Variants in CDKL4 observed in about 807,000 individuals in gnomAD.
CDKL4 encodes cyclin dependent kinase like 4.
Under a neutral mutation model 42.0 loss-of-function variants are expected in CDKL4, and 44 were observed. The ratio of observed to expected loss-of-function variants is 1.05; its 90% confidence interval spans 0.82 to 1.35. The LOEUF is 1.35. Ranked by LOEUF, CDKL4 falls within the 40% of genes most tolerant of loss-of-function variation. The pLI, the probability that CDKL4 is intolerant of heterozygous loss-of-function variation, is 0.00. For synonymous variants in CDKL4, 120 were observed against 121.6 expected (o/e 0.99, Z 0.09); for missense variants, 393 against 369.9 (o/e 1.06, Z -0.51).
intron 3 of CDKL4, among the ~76,000 whole-genome samples, chr2:39,224,097 T>A (rs1012766422): frequency 6.6e-6 from 1 of 152,218 alleles, no homozygotes; most frequent in Non-Finnish European, 1.5e-5. Context: ...AAAATCTGCA[T>A]AGGTAGACAT....
chr2:39,208,615 T>C (rs995237380), intron 4 of CDKL4, among the ~76,000 whole-genome samples: 3 of 152,108 alleles, frequency 2.0e-5, no homozygotes, highest in African/African-American at 4.8e-5. Flanking sequence ...AGTGCTGGGA[T>C]TACAGGCATG....
intron 8 of CDKL4, among the ~76,000 whole-genome samples, chr2:39,179,531 A>G (rs1346300368): frequency 6.6e-6 from 1 of 152,234 alleles, no homozygotes; most frequent in Non-Finnish European, 1.5e-5. Context: ...ATGGATGGTC[A>G]GTGTCTCTCT....
At chr2:39,245,693 G>C (rs918880646), upstream of CDKL4, among the ~76,000 whole-genome samples, 8 of 152,198 alleles carry the variant, frequency 5.3e-5, no homozygotes, top group Admixed American at 5.2e-4. Flanking sequence ...AACAGCACAC[G>C]TAACTGTTGA....
At chr2:39,185,149 T>TATATAC (rs1675654162) in intron 7 of CDKL4, among the ~76,000 whole-genome samples, 2 of 136,838 alleles carry the variant, frequency 1.5e-5, no homozygotes, top group Admixed American at 7.5e-5. Context: ...TATATATGTG[T>TATATAC]ATATATATAC....
chr2:39,230,335 A>AGTTG (rs1679023542), intron 1 of CDKL4, among the ~76,000 whole-genome samples: 2 of 152,232 alleles, frequency 1.3e-5, no homozygotes, highest in Admixed American at 6.5e-5. Flanking sequence ...CAAGAGTGAA[A>AGTTG]CTCTGTCTGA....
intron 2 of CDKL4, among the ~76,000 whole-genome samples, chr2:39,228,942 G>A (rs1678925420): frequency 6.6e-6 from 1 of 152,220 alleles, no homozygotes; most frequent in Non-Finnish European, 1.5e-5. Flanking sequence ...AACCTGGGGT[G>A]CAGTGCAGGC....
downstream of CDKL4, among the ~76,000 whole-genome samples, chr2:39,171,923 A>G (rs1183116450): frequency 6.6e-6 from 1 of 152,226 alleles, no homozygotes; most frequent in Non-Finnish European, 1.5e-5. Context: ...GGTGATCCAG[A>G]AACTGCACAA....
Position 39,193,356 on chromosome 2 carries a change from A to AATTATTATT in CDKL4, c.455-2863_455-2855dup, listed in dbSNP as rs79269841. Among the ~76,000 whole-genome samples, 256 of 148,014 alleles carry AATTATTATT rather than the reference A, an allele frequency of 1.7e-3. 3 individuals are homozygous for AATTATTATT. The East Asian group carries it at 0.019, about 11-fold the overall frequency. Reference sequence around the variant, plus strand: ...TGAGAGGTGTAAACATCATTTATAAAATTATTATTATTATTATTATTATTA... The same window carrying AATTATTATT: ...TGAGAGGTGTAAACATCATTTATAAAATTATTATTATTATTATTATTATTATTATTATTA... On this transcript the variant is annotated intron_variant, in intron 5 of 9. Transcript: ENST00000451199.
downstream of CDKL4, among the ~76,000 whole-genome samples, chr2:39,173,861 T>C (rs1675067395): frequency 6.7e-6 from 1 of 150,028 alleles, no homozygotes; most frequent in Non-Finnish European, 1.5e-5. Context: ...CATGTCCCTG[T>C]AGTCCCAATT....
chr2:39,226,400 C>T (rs1028145298), intron 2 of CDKL4, among the ~76,000 whole-genome samples: 4 of 122,440 alleles, frequency 3.3e-5, no homozygotes, highest in Non-Finnish European at 5.2e-5. Context: ...CACAATTAGT[C>T]TGTGTTTTAA....
chr2:39,190,601 G>T, intron 5 of CDKL4, 99 bp from the exon 6 acceptor site: 1 of 937,426 alleles, frequency 1.1e-6, no homozygotes, highest in Non-Finnish European at 1.7e-6. Flanking sequence ...ACCATCAGAG[G>T]CCATGATACT....
chr2:39,232,915 C>T (rs191233414), intron 1 of CDKL4, among the ~76,000 whole-genome samples: 2 of 151,342 alleles, frequency 1.3e-5, no homozygotes, highest in East Asian at 2.0e-4. Context: ...CATGGTGGCA[C>T]GCGCCTGTAG....
At chr2:39,202,794 T>C (rs1251016681) in intron 5 of CDKL4, among the ~76,000 whole-genome samples, 1 of 152,210 alleles carries the variant, frequency 6.6e-6, no homozygotes, top group Non-Finnish European at 1.5e-5. Flanking sequence ...GAGCCAGTGT[T>C]AGCATTTTAT....
chr2:39,184,720 G>GTT, intron 7 of CDKL4, 73 bp from the exon 8 acceptor site: 3 of 940,950 alleles, frequency 3.2e-6, no homozygotes, highest in Non-Finnish European at 5.0e-6. Context: ...ATGTGCGTAT[G>GTT]TATGTGTGTG....
intron 4 of CDKL4, among the ~76,000 whole-genome samples, chr2:39,208,428 C>T (rs1026887471): frequency 2.0e-5 from 3 of 151,790 alleles, no homozygotes; most frequent in African/African-American, 7.3e-5. Flanking sequence ...GCAACCTCTG[C>T]CTCCTGGGTT....
intron 7 of CDKL4, 81 bp downstream of exon 7, chr2:39,187,546 A>G (rs1675897782): frequency 1.0e-6 from 1 of 975,634 alleles, no homozygotes; most frequent in East Asian, 2.7e-5. Flanking sequence ...CATCATCTCA[A>G]AATAAATAAA....
intron 1 of CDKL4, among the ~76,000 whole-genome samples, chr2:39,238,374 A>C (rs1209375116): frequency 2.6e-5 from 4 of 152,210 alleles, no homozygotes; most frequent in Non-Finnish European, 5.9e-5. Context: ...TTGAGGCTAC[A>C]TTGAGTTATG....
chr2:39,223,187 C>A (rs1283430372), intron 3 of CDKL4, among the ~76,000 whole-genome samples: 4 of 152,074 alleles, frequency 2.6e-5, no homozygotes, highest in African/African-American at 9.7e-5. Flanking sequence ...ACCAAAATGC[C>A]TGTAACCAAT....
chr2:39,184,747 TA>T (rs1675624737), intron 7 of CDKL4, 100 bp from the exon 8 acceptor site: 2 of 735,450 alleles, frequency 2.7e-6, no homozygotes, highest in Admixed American at 4.3e-5. Flanking sequence ...TGTGTGTGTG[TA>T]TTTAGAGATA....
Sources: gnomAD v4.1 joint callset for allele counts (sites outside exome capture counted in the v4.1 genomes callset) on GRCh38, gnomAD v4.1.1 for gene constraint, MANE v1.5 for transcripts, NCBI Gene and HGNC (gene_info 2026-07-23, HGNC 2026-07-21) for gene names.